CHSY3: variants seen among roughly 807,000 people sequenced by gnomAD.
The protein encoded by CHSY3 is chondroitin sulfate synthase 3.
A neutral mutation model predicts 67.2 loss-of-function variants in CHSY3; 35 were observed. The ratio of observed to expected loss-of-function variants is 0.52; its 90% CI spans 0.40 to 0.69. CHSY3 has a LOEUF of 0.69. Among genes scored for constraint, CHSY3 ranks in the 30% least tolerant of loss-of-function variants. The pLI is 0.00. For missense variants in CHSY3, 1,069 were observed against 1,138.5 expected (o/e 0.94, Z 0.88); for synonymous variants, 474 against 434.7 (o/e 1.09, Z -1.12).
At chr5:129,958,767 A>G (rs144117492) in intron 2 of CHSY3, among the ~76,000 whole-genome samples, 5 of 152,092 alleles carry the variant, frequency 3.3e-5, no homozygotes, top group African/African-American at 9.7e-5. Flanking sequence ...CCTGGCCTCA[A>G]GTGATCCTCT....
At chr5:130,059,299 C>G (rs993544937) in intron 2 of CHSY3, among the ~76,000 whole-genome samples, 1 of 152,050 alleles carries the variant, frequency 6.6e-6, no homozygotes, top group African/African-American at 2.4e-5. Flanking sequence ...GAATTTCAAG[C>G]CTGCCAGCCT....
chr5:130,020,461 A>ATATATATTTTTT (rs1371121130), intron 2 of CHSY3, among the ~76,000 whole-genome samples: 3 of 79,932 alleles, frequency 3.8e-5, no homozygotes, highest in Admixed American at 1.5e-4. Context: ...ATATATATAT[A>ATATATATTTTTT]TTTTTTTTTT....
intron 2 of CHSY3, among the ~76,000 whole-genome samples, chr5:129,920,895 T>G (rs543099996): frequency 6.6e-6 from 1 of 152,250 alleles, no homozygotes; most frequent in East Asian, 1.9e-4. Flanking sequence ...CACGACCCTC[T>G]GCAGCCTCGA....
chr5:130,035,226 G>A (rs982834703), intron 2 of CHSY3, among the ~76,000 whole-genome samples: 3 of 152,020 alleles, frequency 2.0e-5, no homozygotes, highest in African/African-American at 7.2e-5. Flanking sequence ...GGTAACTTGG[G>A]CCAGGATAAT....
chr5:130,152,441 C>G (rs918046197), intron 2 of CHSY3, among the ~76,000 whole-genome samples: 1 of 152,150 alleles, frequency 6.6e-6, no homozygotes, highest in Non-Finnish European at 1.5e-5. Context: ...TTCATCATTT[C>G]TCTTCTTCCT....
chr5:130,072,995 A>G (rs1766133623), intron 2 of CHSY3, among the ~76,000 whole-genome samples: 1 of 152,144 alleles, frequency 6.6e-6, no homozygotes, highest in Non-Finnish European at 1.5e-5. Context: ...GGCTGGGAGA[A>G]GAGCAGGATA....
intron 2 of CHSY3, among the ~76,000 whole-genome samples, chr5:130,019,279 C>A (rs1764298257): frequency 6.6e-6 from 1 of 151,992 alleles, no homozygotes; most frequent in Non-Finnish European, 1.5e-5. Flanking sequence ...AATTTTAAAA[C>A]AACTAATTTT....
intron 2 of CHSY3, among the ~76,000 whole-genome samples, chr5:130,079,136 T>C (rs1458069026): frequency 1.3e-5 from 2 of 152,124 alleles, no homozygotes; most frequent in Admixed American, 6.6e-5. Flanking sequence ...TCTGCTTTTT[T>C]CTCTTGTATG....
At chr5:130,025,842 C>A (rs1764525657) in intron 2 of CHSY3, among the ~76,000 whole-genome samples, 1 of 152,084 alleles carries the variant, frequency 6.6e-6, no homozygotes, top group African/African-American at 2.4e-5. Context: ...CATTTGAATT[C>A]AGCATATGGA....
At chr5:129,920,210 C>T (rs1179363166) in intron 2 of CHSY3, among the ~76,000 whole-genome samples, 1 of 152,064 alleles carries the variant, frequency 6.6e-6, no homozygotes, top group African/African-American at 2.4e-5. Context: ...AGTGGTCCTC[C>T]ACTAATCCAC....
At chr5:130,130,319 C>G (rs898256284) in intron 2 of CHSY3, among the ~76,000 whole-genome samples, 1 of 152,096 alleles carries the variant, frequency 6.6e-6, no homozygotes, top group Non-Finnish European at 1.5e-5. Flanking sequence ...GAACCATCCT[C>G]TCCTAGAATT....
intron 2 of CHSY3, among the ~76,000 whole-genome samples, chr5:129,956,113 C>G (rs1463219670): frequency 1.3e-5 from 2 of 152,142 alleles, no homozygotes; most frequent in Non-Finnish European, 2.9e-5. Context: ...TGAGGAATCG[C>G]CACACATCTT....
rs186534403 is a variant in CHSY3 at position 130,074,015 on chromosome 5, A to T, written c.1087-110214A>T. 9.2e-5 allele frequency among the ~76,000 whole-genome samples: 14 copies of T among 152,248 alleles called. No individual in the cohort carries two copies. The East Asian group carries it at 2.7e-3, about 29-fold the overall frequency. ...TTCTTTTCTGTGTCCTAGTGAAATC[A>T]TATCACGTTGGAAGATTTAACAATT... is the stretch of plus-strand genomic sequence containing the variant. On this transcript the variant is annotated intron_variant, in intron 2 of 2. Transcript: ENST00000305031.
intron 2 of CHSY3, among the ~76,000 whole-genome samples, chr5:130,072,816 A>G (rs1342348984): frequency 6.6e-6 from 1 of 152,142 alleles, no homozygotes; most frequent in Non-Finnish European, 1.5e-5. Context: ...CAGCCTTTAA[A>G]AAGAAGGAAA....
At chr5:130,058,546 G>A (rs1274197973) in intron 2 of CHSY3, among the ~76,000 whole-genome samples, 1 of 152,162 alleles carries the variant, frequency 6.6e-6, no homozygotes, top group East Asian at 1.9e-4. Context: ...GGAATCACTT[G>A]AACCCTGAGG....
intron 2 of CHSY3, among the ~76,000 whole-genome samples, chr5:130,011,926 C>A (rs1001781487): frequency 1.3e-5 from 2 of 152,062 alleles, no homozygotes; most frequent in Non-Finnish European, 2.9e-5. Flanking sequence ...GATTTCTAAA[C>A]AAGAATTACA....
intron 2 of CHSY3, among the ~76,000 whole-genome samples, chr5:130,136,388 C>T (rs1313280314): frequency 2.0e-5 from 3 of 152,056 alleles, no homozygotes; most frequent in Non-Finnish European, 2.9e-5. Context: ...AAGGGACAGT[C>T]ATGAAGGCTG....
intron 2 of CHSY3, among the ~76,000 whole-genome samples, chr5:130,032,407 G>A (rs1482615092): frequency 6.6e-6 from 1 of 152,126 alleles, no homozygotes. Context: ...TTAAATGGAA[G>A]CTTTGGCAGA....
intron 2 of CHSY3, among the ~76,000 whole-genome samples, chr5:130,082,797 A>G (rs1361101916): frequency 6.6e-6 from 1 of 151,894 alleles, no homozygotes; most frequent in Non-Finnish European, 1.5e-5. Flanking sequence ...GAGTGTATCT[A>G]ATTACTTGTA....
Sources: allele counts gnomAD v4.1 joint callset (sites outside exome capture counted in the v4.1 genomes callset), GRCh38; gene constraint gnomAD v4.1.1; transcripts MANE v1.5; gene names NCBI Gene and HGNC (gene_info 2026-07-23, HGNC 2026-07-21).